SLC4A4: variants seen among roughly 807,000 people sequenced by gnomAD.
SLC4A4 encodes electrogenic sodium bicarbonate cotransporter 1.
A neutral mutation model predicts 111.5 loss-of-function variants in SLC4A4; 27 were observed. The observed-to-expected ratio is 0.24, with a 90% CI of 0.18 to 0.33. SLC4A4 has a LOEUF of 0.33. Among genes scored for constraint, SLC4A4 ranks in the 10% least tolerant of loss-of-function variants. SLC4A4 has a pLI of 1.00. For synonymous variants in SLC4A4, 443 were observed against 463.4 expected, an observed-to-expected ratio of 0.96 and a Z score of 0.57; for missense variants, 909 against 1,315.5, an observed-to-expected ratio of 0.69 and a Z score of 4.78.
chr4:71,130,946 A>G (rs977810887), intron 2 of SLC4A4, among the ~76,000 whole-genome samples: 1 of 152,200 alleles, frequency 6.6e-6, no homozygotes, highest in African/African-American at 2.4e-5. Context: ...CCAGTGACAC[A>G]GTGGGAGGAA....
At chr4:71,515,954 G>A (rs1229761771) in intron 16 of SLC4A4, among the ~76,000 whole-genome samples, 4 of 150,744 alleles carry the variant, frequency 2.7e-5, no homozygotes, top group African/African-American at 9.8e-5. Context: ...AATTTAATCT[G>A]TTAATATTTA....
chr4:71,193,414 C>T (rs1745841273), intron 1 of SLC4A4, among the ~76,000 whole-genome samples: 1 of 152,210 alleles, frequency 6.6e-6, no homozygotes, highest in African/African-American at 2.4e-5. Context: ...CCGCCTTGGC[C>T]TCCCAAAGTG....
At chr4:71,088,218 G>A (rs1230061254) in intron 1 of SLC4A4, among the ~76,000 whole-genome samples, 1 of 150,056 alleles carries the variant, frequency 6.7e-6, no homozygotes, top group African/African-American at 2.5e-5. Flanking sequence ...TCAGAGACTC[G>A]GATTGCAATA....
At chr4:71,369,388 A>T (rs1216665000) in intron 6 of SLC4A4, among the ~76,000 whole-genome samples, 1 of 152,126 alleles carries the variant, frequency 6.6e-6, no homozygotes, top group Non-Finnish European at 1.5e-5. Flanking sequence ...CAGTGGAAGG[A>T]TTGTGAGACT....
rs183466801 is a variant in SLC4A4, at chr4:71,501,119, C to T, written c.2166+3427C>T. Among the ~76,000 whole-genome samples, 284 of 152,116 alleles carry T rather than the reference C, an allele frequency of 1.9e-3. 3 individuals carry two copies. Among genetic ancestry groups the T allele is most frequent in the Non-Finnish European group, 2.8e-3 (193 of 68,018 alleles). On this transcript the variant is annotated intron_variant, in intron 16 of 25. Coordinates refer to ENST00000264485, the MANE Select transcript of SLC4A4 (RefSeq NM_001098484.3). ...ATATCTTTCCATTTACTCCTGTCTTCTTCAATATCTTTCATCAATTCTTTA... is the reference window on the plus strand; with the variant it reads ...ATATCTTTCCATTTACTCCTGTCTTTTTCAATATCTTTCATCAATTCTTTA...
At chr4:71,257,576 A>G (rs1461166646) in intron 3 of SLC4A4, among the ~76,000 whole-genome samples, 1 of 152,230 alleles carries the variant, frequency 6.6e-6, no homozygotes, top group East Asian at 1.9e-4. Context: ...GGGCTCTGGC[A>G]CCAACATGAT....
chr4:71,443,914 A>G (rs1345778878), intron 8 of SLC4A4, among the ~76,000 whole-genome samples: 1 of 152,150 alleles, frequency 6.6e-6, no homozygotes, highest in African/African-American at 2.4e-5. Context: ...CACCAGTTTA[A>G]TTGCTAGCTG....
Position 71,142,761 on chromosome 4 carries a change from CTTT to C in SLC4A4, c.-2+49991_-2+49993del, listed in dbSNP as rs34495804. ...TCCAAAGGCACAAACTTTTCTCACT[CTTT>C]TTTTTTTTTTTTTTTTTTTTTAGCT... On this transcript the variant is annotated intron_variant, in intron 2 of 26. Transcript: ENST00000649996. Among the ~76,000 whole-genome samples, 10 of 78,036 alleles carry C rather than the reference CTTT, an allele frequency of 1.3e-4. 1 individual carries two copies. The highest frequency in any genetic ancestry group is 4.8e-4 in the South Asian group (1 of 2,078). 51.2% of individuals were successfully genotyped at this position (78,036 alleles called of 152,430 possible).
chr4:71,468,295 G>A (rs1435053508), intron 13 of SLC4A4, among the ~76,000 whole-genome samples: 1 of 151,990 alleles, frequency 6.6e-6, no homozygotes, highest in African/African-American at 2.4e-5. Flanking sequence ...ATTAAACAAG[G>A]ATGTACTATA....
rs562238926 is a variant in SLC4A4, at chr4:71,371,942, G to A, written c.730+14755G>A. 8.7e-4 allele frequency among the ~76,000 whole-genome samples: 133 copies of A among 152,238 alleles called. 1 individual carries two copies. The highest frequency in any genetic ancestry group is 2.8e-3 in the African/African-American group (118 of 41,532). ...GGGCCCATCTTGGTCACCAGAAACCGTTAACCAAAAGTGAATATGGTTTAC... is the reference window on the plus strand; with the variant it reads ...GGGCCCATCTTGGTCACCAGAAACCATTAACCAAAAGTGAATATGGTTTAC... On this transcript the variant is annotated intron_variant, in intron 6 of 25. Coordinates refer to ENST00000264485, the MANE Select transcript of SLC4A4 (RefSeq NM_001098484.3).
intron 7 of SLC4A4, among the ~76,000 whole-genome samples, chr4:71,413,876 G>A (rs1051940290): frequency 6.6e-6 from 1 of 152,052 alleles, no homozygotes; most frequent in African/African-American, 2.4e-5. Context: ...TTCCCACTGT[G>A]GTGGTCTGTG....
intron 16 of SLC4A4, among the ~76,000 whole-genome samples, chr4:71,500,204 T>C (rs1560565269): frequency 6.6e-6 from 1 of 152,212 alleles, no homozygotes. Context: ...TTCATTTATC[T>C]TTTGGCCATT....
intron 2 of SLC4A4, among the ~76,000 whole-genome samples, chr4:71,178,003 C>T (rs1745152247): frequency 6.6e-6 from 1 of 152,148 alleles, no homozygotes; most frequent in South Asian, 2.1e-4. Flanking sequence ...TGCAATCAAA[C>T]TGGAACTCAG....
intron 17 of SLC4A4, among the ~76,000 whole-genome samples, chr4:71,532,448 A>C (rs10446509): frequency 0.78 from 118,327 of 151,968 alleles, 46,579 homozygotes; most frequent in Non-Finnish European, 0.84. Context: ...ATTTTATATA[A>C]CTTATTACCT....
intron 3 of SLC4A4, among the ~76,000 whole-genome samples, chr4:71,307,014 T>G (rs1205822025): frequency 1.3e-5 from 2 of 152,214 alleles, no homozygotes; most frequent in Non-Finnish European, 2.9e-5. Context: ...TTATTAATGG[T>G]TAACAAACTG....
chr4:71,380,773 G>T (rs1718063671), intron 6 of SLC4A4, among the ~76,000 whole-genome samples: 1 of 152,178 alleles, frequency 6.6e-6, no homozygotes, highest in African/African-American at 2.4e-5. Context: ...TTAGACTCCA[G>T]ATGGCACATT....
intron 6 of SLC4A4, among the ~76,000 whole-genome samples, chr4:71,391,484 T>G (rs983184672): frequency 6.6e-6 from 1 of 152,078 alleles, no homozygotes; most frequent in African/African-American, 2.4e-5. Flanking sequence ...GGACTTTAAA[T>G]TGCTACATGT....
At chr4:71,530,147 T>C (rs1480291502) in intron 16 of SLC4A4, among the ~76,000 whole-genome samples, 3 of 152,158 alleles carry the variant, frequency 2.0e-5, no homozygotes, top group Non-Finnish European at 4.4e-5. Flanking sequence ...GGGCTTTTAA[T>C]TTTTTATTTC....
intron 2 of SLC4A4, among the ~76,000 whole-genome samples, chr4:71,240,648 A>T (rs1023593045): frequency 2.6e-5 from 4 of 152,146 alleles, no homozygotes; most frequent in African/African-American, 7.2e-5. Context: ...TTACAGGAGG[A>T]TTGTTTTCAG....
Sources: gnomAD v4.1 joint callset for allele counts (sites outside exome capture counted in the v4.1 genomes callset) on GRCh38, gnomAD v4.1.1 for gene constraint, MANE v1.5 for transcripts, NCBI Gene and HGNC (gene_info 2026-07-23, HGNC 2026-07-21) for gene names.